Variants in PTPN21 observed in about 807,000 individuals in gnomAD.
PTPN21 encodes tyrosine-protein phosphatase non-receptor type 21.
A neutral mutation model predicts 131.8 loss-of-function variants in PTPN21; 77 were observed. The observed-to-expected ratio is 0.58, with a 90% CI of 0.49 to 0.71. The LOEUF is 0.71. Among genes scored for constraint, PTPN21 ranks in the 30% least tolerant of loss-of-function variants. The probability of loss-of-function intolerance (pLI) is 0.00; values close to 1 mark genes in which losing one functional copy is unlikely to be tolerated. For missense variants in PTPN21, 1,552 were observed against 1,527.1 expected (o/e 1.02, Z -0.27); for synonymous variants, 715 against 621.3 (o/e 1.15, Z -2.24).
chr14:88,525,177 G>T (rs1398403045), intron 2 of PTPN21, among the ~76,000 whole-genome samples: 1 of 151,708 alleles, frequency 6.6e-6, no homozygotes, highest in East Asian at 1.9e-4. Context: ...ACAGATCAAG[G>T]CTGCAGTGAG....
intron 2 of PTPN21, among the ~76,000 whole-genome samples, chr14:88,532,967 G>A (rs1286717706): frequency 6.6e-6 from 1 of 152,128 alleles, no homozygotes; most frequent in Non-Finnish European, 1.5e-5. Context: ...TTTATAAATT[G>A]TTTCCAAAAC....
intron 2 of PTPN21, among the ~76,000 whole-genome samples, chr14:88,519,949 A>C (rs191093288): frequency 5.3e-5 from 8 of 152,318 alleles, no homozygotes; most frequent in Non-Finnish European, 1.5e-5. Context: ...CCTCAAAGCC[A>C]GTGTTTCCCC....
Position 88,505,340 on chromosome 14 carries a change from G to A in PTPN21, c.480C>T (p.Ser160=). 1.2e-6 allele frequency: 2 copies of A among 1,608,620 alleles called. No individual in the cohort carries two copies. Among genetic ancestry groups the A allele is most frequent in the Non-Finnish European group, 1.7e-6 (2 of 1,176,392 alleles). ...AGGCAAATTTCTGAAGAAAGTCCTG[G>A]GATTCATACTGATCAAAGTCACCAA... ...ADFGDFDQYE[S]QDFLQKFALF... The change falls in exon 5 of 19, where the codon TCC becomes TCT. Residue 160 remains serine, a synonymous_variant. Coordinates refer to ENST00000556564, the MANE Select transcript of PTPN21 (RefSeq NM_007039.4).
In PTPN21 at chr14:88,480,033, T is replaced by C; in HGVS notation, c.1398A>G (p.Glu466=). The C allele has an allele frequency of 6.2e-7, 1 of 1,613,900 alleles. No homozygotes were observed. Among genetic ancestry groups the C allele is most frequent in the Non-Finnish European group, 8.5e-7 (1 of 1,180,022 alleles). The change falls in exon 13 of 19, where the codon GAA becomes GAG. Residue 466 remains glutamate (E), a synonymous_variant. Coordinates refer to ENST00000556564, the MANE Select transcript of PTPN21 (RefSeq NM_007039.4). Reference sequence around the variant, plus strand: ...GGTTTCGCAGCGAGTGGCTCTGCCGTTCCGCATGCACCAGGCCCCTGTTGA... The same window carrying C: ...GGTTTCGCAGCGAGTGGCTCTGCCGCTCCGCATGCACCAGGCCCCTGTTGA... The part of the protein sequence containing the change: ...KQLNRGLVHA[E]RQSHSLRNLN...
chr14:88,497,422 C>T (rs2077936717), intron 8 of PTPN21, 132 bp from the exon 9 acceptor site: 2 of 709,614 alleles, frequency 2.8e-6, no homozygotes, highest in Non-Finnish European at 4.8e-6. Flanking sequence ...AAACAAAAAA[C>T]AAAAAACACG....
chr14:88,493,446 C>G (rs2077855039), intron 10 of PTPN21, among the ~76,000 whole-genome samples: 1 of 152,126 alleles, frequency 6.6e-6, no homozygotes. Flanking sequence ...GGAAAGATGC[C>G]TTCCTGGAGT....
At chr14:88,487,375 T>C (rs2077754032) in intron 10 of PTPN21, among the ~76,000 whole-genome samples, 1 of 152,204 alleles carries the variant, frequency 6.6e-6, no homozygotes, top group African/African-American at 2.4e-5. Context: ...GACTAATTAC[T>C]AGAAAATCCA....
chr14:88,496,721 AAC>A (rs1477906649), intron 9 of PTPN21, among the ~76,000 whole-genome samples: 6 of 152,266 alleles, frequency 3.9e-5, no homozygotes, highest in Admixed American at 3.3e-4. Context: ...TCTCATATTA[AAC>A]AGTTTCAAAA....
chr14:88,483,720 G>C (rs772659119), intron 12 of PTPN21, among the ~76,000 whole-genome samples: 1 of 152,122 alleles, frequency 6.6e-6, no homozygotes, highest in Non-Finnish European at 1.5e-5. Flanking sequence ...CTTTCTACCT[G>C]CTGAAATCCA....
chr14:88,504,128 A>G (rs1035514753), intron 6 of PTPN21, among the ~76,000 whole-genome samples: 1 of 152,164 alleles, frequency 6.6e-6, no homozygotes, highest in African/African-American at 2.4e-5. Flanking sequence ...CCTTTACTAC[A>G]TGCAGTAAAA....
At chr14:88,500,431 CAATA>C (rs2140129817) in intron 8 of PTPN21, among the ~76,000 whole-genome samples, 1 of 152,174 alleles carries the variant, frequency 6.6e-6, no homozygotes, top group Non-Finnish European at 1.5e-5. Flanking sequence ...CCTTGCCTCA[CAATA>C]AATAAATTAA....
intron 2 of PTPN21, among the ~76,000 whole-genome samples, chr14:88,534,252 G>A (rs374691792): frequency 3.6e-4 from 54 of 151,776 alleles, no homozygotes; most frequent in South Asian, 2.5e-3. Flanking sequence ...GCTTGGTGGT[G>A]CACACCTGTA....
In PTPN21 at chr14:88,550,611, A is replaced by T; in HGVS notation, c.-194T>A. ...CAATGGCCCGAGGAAGGGAGCATTG[A>T]CGCCAGCGCTGGGGAAAGAGGAACG... is the stretch of plus-strand genomic sequence containing the variant. On this transcript the variant is annotated 5_prime_UTR_variant, in exon 2 of 19. Transcript: ENST00000556564. The T allele has an allele frequency of 5.4e-6, 3 of 553,520 alleles. No individual in the cohort carries two copies. In the South Asian group the frequency reaches 7.8e-5, roughly 14 times the overall value. The allele number at this position is 553,520 out of a possible 1,614,324, so 34.3% of individuals were successfully genotyped here. A position where few individuals can be genotyped will look rare whatever the true frequency, so the allele number is the denominator to read the frequency against.
chr14:88,472,052 G>A (rs545415077), intron 15 of PTPN21, among the ~76,000 whole-genome samples, 192 bp downstream of exon 15: 1 of 152,280 alleles, frequency 6.6e-6, no homozygotes, highest in African/African-American at 2.4e-5. Flanking sequence ...ATCTAGCACT[G>A]GTATGTGGAT....
chr14:88,498,305 A>G (rs1008288958), intron 8 of PTPN21, among the ~76,000 whole-genome samples: 2 of 152,090 alleles, frequency 1.3e-5, no homozygotes, highest in African/African-American at 2.4e-5. Flanking sequence ...AAAAGAAAAA[A>G]AAAAACAGTG....
At chr14:88,499,274 T>C (rs2077971937) in intron 8 of PTPN21, 1 of 152,174 alleles carries the variant, frequency 6.6e-6, no homozygotes, top group African/African-American at 2.4e-5. Context: ...TCTGAGGTCA[T>C]AATCACCATG....
At chr14:88,470,771 A>C (rs1419546158) in intron 15 of PTPN21, among the ~76,000 whole-genome samples, 1 of 152,224 alleles carries the variant, frequency 6.6e-6, no homozygotes, top group Non-Finnish European at 1.5e-5. Flanking sequence ...ACTGTGGATG[A>C]GTACCAGGTT....
In PTPN21 at chr14:88,537,837, A is replaced by G. The variant is rs1422451785; in HGVS notation, c.180+12401T>C. Among the ~76,000 whole-genome samples, 4 of 152,226 alleles carry G rather than the reference A, an allele frequency of 2.6e-5. No homozygotes were observed. In the East Asian group the frequency reaches 7.7e-4, roughly 29 times the overall value. On this transcript the variant is annotated intron_variant, in intron 2 of 18. Coordinates refer to ENST00000556564, the MANE Select transcript of PTPN21 (RefSeq NM_007039.4). Reference sequence around the variant, plus strand: ...GCCTCCTACACATTTAGGGCATGTGATATAGCCTACTGCTGCTAGGCTACA... The same window carrying G: ...GCCTCCTACACATTTAGGGCATGTGGTATAGCCTACTGCTGCTAGGCTACA...
chr14:88,503,684 G>C (rs964886617), intron 6 of PTPN21, among the ~76,000 whole-genome samples: 2 of 152,148 alleles, frequency 1.3e-5, no homozygotes. Flanking sequence ...CGTAGGGTAG[G>C]TTAGGGTAAG....
Sources: allele counts gnomAD v4.1 joint callset (sites outside exome capture counted in the v4.1 genomes callset), GRCh38; gene constraint gnomAD v4.1.1; transcripts MANE v1.5; gene names NCBI Gene and HGNC (gene_info 2026-07-23, HGNC 2026-07-21).